AGMO: variants seen among roughly 807,000 people sequenced by gnomAD.
AGMO encodes the protein alkylglycerol monooxygenase.
Under a neutral mutation model 60.2 loss-of-function variants are expected in AGMO, and 75 were observed. That is an observed-to-expected ratio of 1.25 (90% CI 1.03 to 1.51). The LOEUF is 1.51. Ranked by LOEUF, AGMO falls within the 40% of genes most tolerant of loss-of-function variation. The pLI, the probability that AGMO is intolerant of heterozygous loss-of-function variation, is 0.00. For synonymous variants in AGMO, 261 were observed against 177.1 expected (o/e 1.47, Z -3.76); for missense variants, 763 against 525.5 (o/e 1.45, Z -4.42).
At chr7:15,287,148 C>G (rs1165064345) in intron 12 of AGMO, among the ~76,000 whole-genome samples, 1 of 151,926 alleles carries the variant, frequency 6.6e-6, no homozygotes, top group Non-Finnish European at 1.5e-5. Context: ...GTGATGAATG[C>G]AATAAAATCT....
At chr7:15,429,325 A>ATG (rs1412961994) in intron 4 of AGMO, among the ~76,000 whole-genome samples, 1 of 152,054 alleles carries the variant, frequency 6.6e-6, no homozygotes, top group Admixed American at 6.6e-5. Flanking sequence ...ATGCTGGAGT[A>ATG]TGGCAAGTCC....
chr7:15,542,174 T>C (rs1784646481), intron 3 of AGMO, among the ~76,000 whole-genome samples: 1 of 152,178 alleles, frequency 6.6e-6, no homozygotes, highest in African/African-American at 2.4e-5. Context: ...AATTAAGCAT[T>C]ATGTTGAAGG....
At chr7:15,167,305 T>C in the AGMO span, among the ~76,000 whole-genome samples, 4 of 152,178 alleles carry the variant, frequency 2.6e-5, no homozygotes, top group South Asian at 2.1e-4. Flanking sequence ...ATTTCAAACA[T>C]TGCTTTATAA....
At chr7:15,369,574 CAT>C (rs1783118858) in intron 10 of AGMO, among the ~76,000 whole-genome samples, 1 of 152,086 alleles carries the variant, frequency 6.6e-6, no homozygotes, top group Non-Finnish European at 1.5e-5. Context: ...TATTCAAATA[CAT>C]GTCCTTGTCC....
chr7:15,385,573 A>G lies in AGMO; in HGVS notation c.958-11T>C. ...TTCTTTGCCGGTGACCTAGGGAGACAAGAACCATTTCCTTTATATTGCTCC... is the reference window on the plus strand; with the variant it reads ...TTCTTTGCCGGTGACCTAGGGAGACGAGAACCATTTCCTTTATATTGCTCC... On this transcript the variant is annotated splice_polypyrimidine_tract_variant and intron_variant, in intron 9 of 12. Transcript: ENST00000342526. 1.3e-6 allele frequency: 2 copies of G among 1,494,058 alleles called. No homozygotes were observed. Among genetic ancestry groups the G allele is most frequent in the South Asian group, 2.3e-5 (2 of 88,322 alleles). The allele number at this position is 1,494,058 out of a possible 1,614,324, so 92.6% of individuals were successfully genotyped here.
intron 12 of AGMO, among the ~76,000 whole-genome samples, chr7:15,340,298 G>A (rs1231490336): frequency 6.6e-6 from 1 of 152,178 alleles, no homozygotes; most frequent in Non-Finnish European, 1.5e-5. Flanking sequence ...TCTAGTTGTG[G>A]TATCATATCA....
chr7:15,142,771 C>A, the AGMO span, among the ~76,000 whole-genome samples: 6 of 152,056 alleles, frequency 3.9e-5, no homozygotes, highest in Admixed American at 1.3e-4. Flanking sequence ...TACGAGATTG[C>A]CGACAGAAAA....
intron 12 of AGMO, among the ~76,000 whole-genome samples, chr7:15,244,554 G>C (rs1782685523): frequency 6.6e-6 from 1 of 152,130 alleles, no homozygotes; most frequent in Non-Finnish European, 1.5e-5. Context: ...AGAAATAATG[G>C]TGTACTATAA....
intron 8 of AGMO, among the ~76,000 whole-genome samples, chr7:15,389,205 C>A (rs1784042136): frequency 6.6e-6 from 1 of 152,082 alleles, no homozygotes; most frequent in African/African-American, 2.4e-5. Context: ...TTGGACCAGA[C>A]CACAGAACTA....
chr7:15,265,593 C>G (rs1783409324), intron 12 of AGMO, among the ~76,000 whole-genome samples: 1 of 151,700 alleles, frequency 6.6e-6, no homozygotes, highest in African/African-American at 2.4e-5. Flanking sequence ...ATCTCACACC[C>G]ATTAGGCTGG....
chr7:15,333,593 T>A (rs1781563939), intron 12 of AGMO, among the ~76,000 whole-genome samples: 1 of 139,212 alleles, frequency 7.2e-6, no homozygotes, highest in Non-Finnish European at 1.5e-5. Context: ...AGAGACGAAC[T>A]ACTGAATTTA....
chr7:15,137,854 G>A, the AGMO span, among the ~76,000 whole-genome samples: 1 of 152,016 alleles, frequency 6.6e-6, no homozygotes. Flanking sequence ...AGGAGAGAGA[G>A]GGTGGAGATG....
chr7:15,133,323 G>A, the AGMO span, among the ~76,000 whole-genome samples: 1 of 152,144 alleles, frequency 6.6e-6, no homozygotes, highest in Non-Finnish European at 1.5e-5. Flanking sequence ...CTCAGGTAAA[G>A]ACAAAATGAA....
intron 5 of AGMO, among the ~76,000 whole-genome samples, chr7:15,410,046 G>A (rs892155652): frequency 2.0e-5 from 3 of 151,396 alleles, no homozygotes; most frequent in Non-Finnish European, 4.4e-5. Context: ...ATTTTCTTTG[G>A]AATATATCAG....
At chr7:15,313,571 T>C (rs1175760883) in intron 12 of AGMO, among the ~76,000 whole-genome samples, 1 of 152,052 alleles carries the variant, frequency 6.6e-6, no homozygotes, top group Non-Finnish European at 1.5e-5. Context: ...CTAAATGTGA[T>C]TCAGTAAAGA....
At chr7:15,129,635 G>C in the AGMO span, among the ~76,000 whole-genome samples, 17 of 152,030 alleles carry the variant, frequency 1.1e-4, no homozygotes, top group African/African-American at 4.1e-4. Context: ...CAAAGTATTA[G>C]TGGCCCACCA....
chr7:15,272,755 A>G (rs1783655115), intron 12 of AGMO, among the ~76,000 whole-genome samples: 2 of 152,144 alleles, frequency 1.3e-5, no homozygotes. Flanking sequence ...AACAGTGTAA[A>G]AGTGTTCCTA....
intron 4 of AGMO, among the ~76,000 whole-genome samples, chr7:15,423,314 G>C (rs1160428288): frequency 2.0e-5 from 3 of 152,188 alleles, no homozygotes; most frequent in South Asian, 4.1e-4. Flanking sequence ...TATAGATAGA[G>C]AGCATTGATC....
intron 3 of AGMO, among the ~76,000 whole-genome samples, chr7:15,530,859 A>G (rs1227679028): frequency 1.4e-5 from 2 of 139,768 alleles, no homozygotes; most frequent in Non-Finnish European, 3.1e-5. Flanking sequence ...CTATATATAG[A>G]TGACTGTATA....
Sources: gnomAD v4.1 joint callset for allele counts (sites outside exome capture counted in the v4.1 genomes callset) on GRCh38, gnomAD v4.1.1 for gene constraint, MANE v1.5 for transcripts, NCBI Gene and HGNC (gene_info 2026-07-23, HGNC 2026-07-21) for gene names.